KCNS3: variants seen among roughly 807,000 people sequenced by gnomAD.
KCNS3 encodes the protein potassium voltage-gated channel modifier subfamily S member 3, also known as delayed-rectifier potassium channel regulatory subunit KCNS3.
A neutral mutation model predicts 31.0 loss-of-function variants in KCNS3; 13 were observed. The ratio of observed to expected loss-of-function variants is 0.42; its 90% CI spans 0.27 to 0.67. The LOEUF (loss-of-function observed/expected upper bound fraction) is 0.67. KCNS3 is among the 30% of genes least tolerant of loss of function. The pLI, the probability that KCNS3 is intolerant of heterozygous loss-of-function variation, is 0.25. For missense variants in KCNS3, 545 were observed against 622.4 expected (o/e 0.88, Z 1.32); for synonymous variants, 238 against 241.5 (o/e 0.99, Z 0.13).
At position 17,888,629 on chromosome 2, in the gene KCNS3, GTATATATATATATATATA is replaced by G. The variant is rs70964021; in HGVS notation, c.-252+9850_-252+9867del. On this transcript the variant is annotated intron_variant, in intron 1 of 2. Coordinates refer to ENST00000304101, the MANE Select transcript of KCNS3 (RefSeq NM_002252.5). The stretch of plus-strand genomic sequence containing the variant: ...GAACTTAAAGTATAATAAAAAAAAT[GTATATATATATATATATA>G]TATATATATATATATATATATATAT... 1.9e-3 allele frequency among the ~76,000 whole-genome samples: 174 copies of G among 92,368 alleles called. 3 individuals carry two copies. Among genetic ancestry groups the G allele is most frequent in the African/African-American group, 4.2e-3 (94 of 22,244 alleles). 60.6% of individuals were successfully genotyped at this position (92,368 alleles called of 152,430 possible).
intron 1 of KCNS3, among the ~76,000 whole-genome samples, chr2:17,908,725 C>A (rs1483761569): frequency 2.0e-5 from 3 of 152,232 alleles, no homozygotes; most frequent in Non-Finnish European, 4.4e-5. Context: ...TAGAGGTCCA[C>A]TCCAGACCCT....
chr2:17,888,634 T>C (rs1326408690), intron 1 of KCNS3, among the ~76,000 whole-genome samples: 6 of 50,312 alleles, frequency 1.2e-4, no homozygotes, highest in Admixed American at 2.1e-4. Flanking sequence ...AAAATGTATA[T>C]ATATATATAT....
chr2:17,917,599 CAGA>C (rs1662617937), intron 1 of KCNS3, 78 bp from the exon 2 acceptor site: 1 of 152,298 alleles, frequency 6.6e-6, no homozygotes, highest in Admixed American at 6.5e-5. Context: ...GCAAAGTGCC[CAGA>C]GTGTTGATCC....
At chr2:17,923,261 T>C (rs1400729317) in intron 2 of KCNS3, among the ~76,000 whole-genome samples, 1 of 152,224 alleles carries the variant, frequency 6.6e-6, no homozygotes, top group Non-Finnish European at 1.5e-5. Flanking sequence ...GCCATTTATA[T>C]GTTTTCATAG....
intron 1 of KCNS3, among the ~76,000 whole-genome samples, chr2:17,900,356 A>T (rs193254751): frequency 6.6e-6 from 1 of 152,268 alleles, no homozygotes; most frequent in Non-Finnish European, 1.5e-5. Context: ...GTTTTGAGGT[A>T]GGGAGAGGTC....
intron 1 of KCNS3, among the ~76,000 whole-genome samples, chr2:17,903,685 C>A (rs1404077309): frequency 1.3e-5 from 2 of 151,748 alleles, no homozygotes; most frequent in Non-Finnish European, 2.9e-5. Context: ...TCAGTTCCCA[C>A]CTATGAGTGA....
At chr2:17,923,997 T>C (rs957349644) in intron 2 of KCNS3, among the ~76,000 whole-genome samples, 4 of 152,078 alleles carry the variant, frequency 2.6e-5, no homozygotes, top group South Asian at 2.1e-4. Flanking sequence ...TCCGTGAACA[T>C]TGGGTGTCTT....
At chr2:17,902,607 C>A (rs1258749429) in intron 1 of KCNS3, among the ~76,000 whole-genome samples, 1 of 152,156 alleles carries the variant, frequency 6.6e-6, no homozygotes, top group African/African-American at 2.4e-5. Context: ...CCCTTTAGAT[C>A]TTTACTAGTG....
chr2:17,931,358 G>A lies in KCNS3; in HGVS notation c.350G>A (p.Cys117Tyr). The part of the protein sequence containing the change: ...GINELFIDSC[C>Y]SNRYQERKEE... ...AACGAGCTCTTCATTGATTCTTGCT[G>A]CAGCAATCGCTACCAGGAACGCAAG... The change falls in exon 3 of 3, where the codon TGC becomes TAC. Residue 117 changes from cysteine (C) to tyrosine (Y), a missense_variant. Transcript: ENST00000304101. This position sits in a 1 kb window ranked among gnomAD's most constrained non-coding sequence, Gnocchi z 5.4. 6.2e-7 allele frequency: 1 copy of A among 1,614,136 alleles called. No individual in the cohort carries two copies. The highest frequency in any genetic ancestry group is 8.5e-7 in the Non-Finnish European group (1 of 1,180,020).
intron 1 of KCNS3, among the ~76,000 whole-genome samples, chr2:17,894,621 G>T (rs1237796075): frequency 6.6e-6 from 1 of 152,208 alleles, no homozygotes; most frequent in Non-Finnish European, 1.5e-5. Flanking sequence ...ATCAGGTAGA[G>T]AAAGCCACGT....
intron 1 of KCNS3, among the ~76,000 whole-genome samples, chr2:17,886,779 T>C (rs933435849): frequency 3.0e-4 from 45 of 151,172 alleles, no homozygotes; most frequent in African/African-American, 9.3e-4. Flanking sequence ...CATCCATCCA[T>C]CCACCCACCC....
chr2:17,928,223 C>A (rs972861311), intron 2 of KCNS3, among the ~76,000 whole-genome samples: 1 of 152,036 alleles, frequency 6.6e-6, no homozygotes, highest in Non-Finnish European at 1.5e-5. Context: ...TCTTTCATTG[C>A]TGATTTTGCT....
Position 17,911,791 on chromosome 2 carries a change from T to C in KCNS3, c.-251-5889T>C, listed in dbSNP as rs891713600. ...CTAAGAGAATGGCTTTGAAGAATTATTGTTTGGATTCGAATCATGGAGTTG... is the reference window on the plus strand; with the variant it reads ...CTAAGAGAATGGCTTTGAAGAATTACTGTTTGGATTCGAATCATGGAGTTG... On this transcript the variant is annotated intron_variant, in intron 1 of 2. Coordinates refer to ENST00000304101, the MANE Select transcript of KCNS3 (RefSeq NM_002252.5). 8.1e-4 allele frequency among the ~76,000 whole-genome samples: 123 copies of C among 152,254 alleles called. 1 individual carries two copies. The highest frequency in any genetic ancestry group is 3.8e-4 in the East Asian group (2 of 5,208).
intron 1 of KCNS3, among the ~76,000 whole-genome samples, chr2:17,904,192 T>C (rs1662257013): frequency 6.6e-6 from 1 of 152,238 alleles, no homozygotes; most frequent in Admixed American, 6.5e-5. Context: ...TTTTGATTTG[T>C]ATTTCTCTGA....
chr2:17,893,266 C>G (rs1259432479), intron 1 of KCNS3, among the ~76,000 whole-genome samples: 1 of 152,204 alleles, frequency 6.6e-6, no homozygotes, highest in Non-Finnish European at 1.5e-5. Flanking sequence ...CACTCCCACC[C>G]TGTCCCCTCC....
chr2:17,889,147 T>C (rs1235095849), intron 1 of KCNS3, among the ~76,000 whole-genome samples: 3 of 152,178 alleles, frequency 2.0e-5, no homozygotes, highest in Non-Finnish European at 4.4e-5. Context: ...TTTTGACTCC[T>C]TTGTTAGGTA....
chr2:17,902,184 T>C (rs893850920), intron 1 of KCNS3, among the ~76,000 whole-genome samples: 4 of 152,172 alleles, frequency 2.6e-5, no homozygotes, highest in Non-Finnish European at 5.9e-5. Context: ...GATTGGGAAG[T>C]GTCCTTTCGG....
In KCNS3 at chr2:17,932,307, T is replaced by C. The variant is rs750849173; in HGVS notation, c.1299T>C (p.His433=). 3.1e-6 allele frequency: 5 copies of C among 1,612,852 alleles called. No homozygotes were observed. In the African/African-American group the frequency reaches 4.0e-5, roughly 13 times the overall value. Residue 433 remains histidine, a synonymous_variant, in exon 3 of 3, where the codon CAT becomes CAC. Coordinates refer to ENST00000304101, the MANE Select transcript of KCNS3 (RefSeq NM_002252.5). ...QCSEDAPEKC[H]ELPYFNIRDI... ...GTGAGGATGCACCAGAGAAGTGTCA[T>C]GAGCTACCTTACTTTAACATTAGGG...
chr2:17,902,842 G>C (rs185738494), intron 1 of KCNS3, among the ~76,000 whole-genome samples: 2 of 152,278 alleles, frequency 1.3e-5, no homozygotes, highest in East Asian at 3.9e-4. Flanking sequence ...ATCTGGGTTA[G>C]TGTGCTTTTA....
Sources: allele counts gnomAD v4.1 joint callset (sites outside exome capture counted in the v4.1 genomes callset), GRCh38; gene constraint gnomAD v4.1.1; non-coding constraint Gnocchi (gnomAD v3.1); transcripts MANE v1.5; gene names NCBI Gene and HGNC (gene_info 2026-07-23, HGNC 2026-07-21).